FAM120A: variants seen among roughly 807,000 people sequenced by gnomAD.
The protein encoded by FAM120A is family with sequence similarity 120 member A.
In FAM120A, 15 loss-of-function variants were observed where a neutral mutation model predicts 109.7. The ratio of observed to expected loss-of-function variants is 0.14; its 90% CI spans 0.09 to 0.21. The LOEUF is 0.21. Ranked by LOEUF, FAM120A falls within the 10% of genes least tolerant of loss-of-function variation. The pLI, the probability that FAM120A is intolerant of heterozygous loss-of-function variation, is 1.00. For missense variants in FAM120A, 899 were observed against 1,439.3 expected (o/e 0.62, Z 6.07); for synonymous variants, 493 against 572.8 (o/e 0.86, Z 1.99).
chr9:93,507,449 C>T (rs1473851231), intron 5 of FAM120A, among the ~76,000 whole-genome samples: 2 of 151,976 alleles, frequency 1.3e-5, no homozygotes, highest in Non-Finnish European at 2.9e-5. Flanking sequence ...TCTAGGATCC[C>T]GGTGGAGATG....
intron 11 of FAM120A, among the ~76,000 whole-genome samples, chr9:93,546,933 G>A (rs1307827036): frequency 6.6e-6 from 1 of 152,160 alleles, no homozygotes; most frequent in Non-Finnish European, 1.5e-5. Flanking sequence ...GCTCCCTAAG[G>A]GAATTTAGTT....
At chr9:93,536,980 G>T (rs1861540287) in intron 10 of FAM120A, among the ~76,000 whole-genome samples, 1 of 152,224 alleles carries the variant, frequency 6.6e-6, no homozygotes, top group Non-Finnish European at 1.5e-5. Flanking sequence ...CCAGGGGCAT[G>T]CAGATTCCTG....
At chr9:93,545,076 A>T (rs1408462969) in intron 11 of FAM120A, among the ~76,000 whole-genome samples, 2 of 152,080 alleles carry the variant, frequency 1.3e-5, no homozygotes, top group Non-Finnish European at 2.9e-5. Context: ...GGCCTTCGTC[A>T]TCTTCTCTGA....
Position 93,550,690 on chromosome 9 carries a change from A to G in FAM120A, c.2273A>G (p.Lys758Arg), listed in dbSNP as rs762293092. 2 of 1,612,714 alleles carry G rather than the reference A, an allele frequency of 1.2e-6. No homozygotes were observed. Among genetic ancestry groups the G allele is most frequent in the Non-Finnish European group, 1.7e-6 (2 of 1,179,130 alleles). Residue 758 changes from lysine to arginine, a missense_variant and splice_region_variant, in exon 12 of 18, where the codon AAG becomes AGG. Coordinates refer to ENST00000277165, the MANE Select transcript of FAM120A (RefSeq NM_014612.5). ...GAGCCTGATCAGCTCCAGGAGCTCA[A>G]GGTAATTTATCAGCCTCATTGCATT... ...LYEPDQLQEL[K>R]IENLDPRGIQ...
rs1857335840 is a variant in FAM120A at position 93,452,870 on chromosome 9, T to C, written c.474+481T>C. ...CCAGAGCCCTTGGGGGCTGCAAATA[T>C]CAGTGCTGCTGCCGCCGCCCTTGCC... On this transcript the variant is annotated intron_variant, in intron 1 of 17. Coordinates refer to ENST00000277165, the MANE Select transcript of FAM120A (RefSeq NM_014612.5). The surrounding 1 kb of genome is among the most constrained non-coding windows in gnomAD (Gnocchi z 7.0). 2 of 1,463,756 alleles carry C rather than the reference T, an allele frequency of 1.4e-6. No individual in the cohort carries two copies. Among genetic ancestry groups the C allele is most frequent in the African/African-American group, 1.4e-5 (1 of 70,054 alleles). 90.7% of individuals were successfully genotyped at this position (1,463,756 alleles called of 1,614,324 possible).
intron 1 of FAM120A, among the ~76,000 whole-genome samples, chr9:93,460,125 T>A (rs1857724530): frequency 6.6e-6 from 1 of 152,204 alleles, no homozygotes; most frequent in South Asian, 2.1e-4. Context: ...TAACACATAT[T>A]ACACATTCCA....
chr9:93,558,101 T>C, intron 14 of FAM120A, 91 bp downstream of exon 14: 1 of 1,311,210 alleles, frequency 7.6e-7, no homozygotes, highest in Non-Finnish European at 1.0e-6. Flanking sequence ...ATCTGCTGTG[T>C]TGACCTTGTC....
chr9:93,454,866 G>C, intron 1 of FAM120A, among the ~76,000 whole-genome samples: 1 of 152,186 alleles, frequency 6.6e-6, no homozygotes, highest in Non-Finnish European at 1.5e-5. Context: ...TATTAGAATG[G>C]CTAAAAGAGA....
chr9:93,473,122 G>A (rs545254689), intron 2 of FAM120A, among the ~76,000 whole-genome samples: 3 of 151,874 alleles, frequency 2.0e-5, no homozygotes, highest in Non-Finnish European at 4.4e-5. Flanking sequence ...GGTTCAAGCA[G>A]TTCTCATGCC....
chr9:93,498,861 G>A lies in FAM120A; in HGVS notation c.1005G>A (p.Met335Ile), dbSNP rs754874241. Residue 335 changes from methionine to isoleucine, a missense_variant, in exon 5 of 18, where the codon ATG becomes ATA. Transcript: ENST00000277165. The surrounding 1 kb of genome is among the most constrained non-coding windows in gnomAD (Gnocchi z 4.4). ...IGYYSATSKP[M>I]SFHPPHYLAA... is the part of the protein sequence containing the mutation. ...ATTATTCAGCGACTAGTAAGCCTAT[G>A]TCATTTCATCCACCACATTACTTAG... 3 of 1,608,166 alleles carry A rather than the reference G, an allele frequency of 1.9e-6. No homozygotes were observed. The African/African-American group carries it at 4.0e-5, about 21-fold the overall frequency.
chr9:93,458,223 G>A (rs1049427660), intron 1 of FAM120A, among the ~76,000 whole-genome samples: 1 of 151,468 alleles, frequency 6.6e-6, no homozygotes, highest in Non-Finnish European at 1.5e-5. Context: ...CCAGAGCTTG[G>A]ACCGTATAAT....
At chr9:93,556,354 C>T in intron 12 of FAM120A, 28 bp from the exon 13 acceptor site, 1 of 1,573,096 alleles carries the variant, frequency 6.4e-7, no homozygotes. Context: ...ACTCTTATTC[C>T]ATAGAAATTA....
At chr9:93,530,733 T>C (rs1178233441) in intron 9 of FAM120A, 2 of 152,170 alleles carry the variant, frequency 1.3e-5, no homozygotes, top group African/African-American at 2.4e-5. Context: ...TTATAAAGGG[T>C]AAGTGAAAAG....
At chr9:93,529,721 A>C in intron 9 of FAM120A, 141 bp downstream of exon 9, 1 of 741,778 alleles carries the variant, frequency 1.3e-6, no homozygotes, top group Non-Finnish European at 2.4e-6. Context: ...TCCCCTTTCT[A>C]AACATTGAAT....
At chr9:93,471,006 T>C in intron 1 of FAM120A, 135 bp from the exon 2 acceptor site, 1 of 1,067,344 alleles carries the variant, frequency 9.4e-7, no homozygotes, top group Non-Finnish European at 1.4e-6. Flanking sequence ...ATTATGGCAT[T>C]TTTTTGACTG....
At chr9:93,479,873 C>T (rs1858721435) in intron 3 of FAM120A, among the ~76,000 whole-genome samples, 1 of 152,178 alleles carries the variant, frequency 6.6e-6, no homozygotes, top group South Asian at 2.1e-4. Flanking sequence ...CTGTCCACAG[C>T]CCTGGTTGTG....
At chr9:93,460,155 C>T (rs890365019) in intron 1 of FAM120A, among the ~76,000 whole-genome samples, 2 of 152,046 alleles carry the variant, frequency 1.3e-5, no homozygotes, top group Non-Finnish European at 2.9e-5. Context: ...AGCACTACAC[C>T]ATAGGAATAA....
intron 3 of FAM120A, among the ~76,000 whole-genome samples, chr9:93,490,001 A>G (rs73518042): frequency 0.063 from 9,535 of 152,304 alleles, 383 homozygotes; most frequent in Middle Eastern, 0.11. Context: ...CCTGTGCTCC[A>G]CTGTGTCCTA....
At chr9:93,486,077 A>G (rs1192620245) in intron 3 of FAM120A, among the ~76,000 whole-genome samples, 1 of 152,088 alleles carries the variant, frequency 6.6e-6, no homozygotes, top group African/African-American at 2.4e-5. Flanking sequence ...GGCCCAGGCA[A>G]TCCTCCTGCC....
Sources: gnomAD v4.1 joint callset for allele counts (sites outside exome capture counted in the v4.1 genomes callset) on GRCh38, gnomAD v4.1.1 for gene constraint, Gnocchi (gnomAD v3.1) non-coding constraint, MANE v1.5 for transcripts, NCBI Gene and HGNC (gene_info 2026-07-23, HGNC 2026-07-21) for gene names.